Variants in PPP1R17 observed in about 807,000 individuals in gnomAD.
PPP1R17 encodes G-substrate.
In PPP1R17, 12 loss-of-function variants were observed where a neutral mutation model predicts 15.9. That is an observed-to-expected ratio of 0.75 (90% CI 0.48 to 1.22). The LOEUF is 1.22. Ranked by LOEUF, PPP1R17 falls within the 50% of genes most tolerant of loss-of-function variation. PPP1R17 has a pLI of 0.00. For missense variants in PPP1R17, 211 were observed against 187.3 expected (o/e 1.13, Z -0.74); for synonymous variants, 63 against 64.5 (o/e 0.98, Z 0.11).
At chr7:31,690,285 T>C (rs924475095) in intron 1 of PPP1R17, among the ~76,000 whole-genome samples, 3 of 152,252 alleles carry the variant, frequency 2.0e-5, no homozygotes, top group African/African-American at 7.2e-5. Context: ...ACTTGAATTA[T>C]GACTACAATG....
At chr7:31,688,140 T>C (rs565052460) in intron 1 of PPP1R17, among the ~76,000 whole-genome samples, 2 of 152,204 alleles carry the variant, frequency 1.3e-5, no homozygotes, top group South Asian at 4.1e-4. Context: ...AAAATATCAG[T>C]GTGTAGGACC....
In PPP1R17 at chr7:31,692,410, G is replaced by A. The variant is rs753066045; in HGVS notation, c.-32G>A. 6.6e-7 allele frequency: 1 copy of A among 1,526,384 alleles called. No homozygotes were observed. Among genetic ancestry groups the A allele is most frequent in the South Asian group, 1.1e-5 (1 of 88,828 alleles). 94.6% of individuals were successfully genotyped at this position (1,526,384 alleles called of 1,614,324 possible). A position where few individuals can be genotyped will look rare whatever the true frequency, so the allele number is the denominator to read the frequency against. The stretch of plus-strand genomic sequence containing the variant: ...CTGTTTTTTATACTTCCTTAGTGCT[G>A]GAGAAGAAATACATCCACCCACCCT... On this transcript the variant is annotated 5_prime_UTR_variant, in exon 2 of 5. Transcript: ENST00000342032.
chr7:31,705,709 T>C (rs1793036790), intron 4 of PPP1R17, among the ~76,000 whole-genome samples: 1 of 152,074 alleles, frequency 6.6e-6, no homozygotes, highest in South Asian at 2.1e-4. Flanking sequence ...CTTTCTCAAG[T>C]GTAGATCTTT....
Position 31,707,237 on chromosome 7 carries a change from C to T in PPP1R17, c.422C>T (p.Ala141Val). The T allele has an allele frequency of 6.2e-7, 1 of 1,614,030 alleles. No individual in the cohort carries two copies. The highest frequency in any genetic ancestry group is 1.3e-5 in the African/African-American group (1 of 75,036). ...TTGCTCAGGGACGAGAGACCCAAAG[C>T]AATCGTGGAAGATGACGAAAAGGAT... ...VTLLRDERPK[A>V]IVEDDEKDGD... Residue 141 changes from alanine (A) to valine (V), a missense_variant, in exon 5 of 5, where the codon GCA becomes GTA. By Grantham distance (64) the Ala-to-Val change is moderately conservative. Transcript: ENST00000342032.
intron 4 of PPP1R17, among the ~76,000 whole-genome samples, chr7:31,705,469 TC>T (rs1793027520): frequency 6.7e-6 from 1 of 148,266 alleles, no homozygotes; most frequent in East Asian, 2.2e-4. Context: ...GAGAAATATC[TC>T]CCACTGTGTT....
chr7:31,693,040 G>C (rs1222797985), intron 2 of PPP1R17, among the ~76,000 whole-genome samples: 4 of 151,952 alleles, frequency 2.6e-5, no homozygotes, highest in Non-Finnish European at 4.4e-5. Context: ...CATTTCTGCC[G>C]CTACCCATTT....
At position 31,704,304 on chromosome 7, in the gene PPP1R17, A is replaced by AATGTAAT. The variant is rs374110355; in HGVS notation, c.389-2899_389-2893dup. ...CCTAGCCCTGGCTCCCTGAGACCGC[A>AATGTAAT]ATGTAATGTGCATGAACTATTTTAG... On this transcript the variant is annotated intron_variant, in intron 4 of 4. Transcript: ENST00000342032. Among the ~76,000 whole-genome samples the AATGTAAT allele has an allele frequency of 1.2e-3, 177 of 152,302 alleles. 1 individual carries two copies. The highest frequency in any genetic ancestry group is 3.4e-3 in the Middle Eastern group (1 of 294).
At chr7:31,698,306 A>G (rs1428482094) in intron 4 of PPP1R17, among the ~76,000 whole-genome samples, 1 of 152,190 alleles carries the variant, frequency 6.6e-6, no homozygotes, top group African/African-American at 2.4e-5. Context: ...TCTATGCTCC[A>G]TGGGATTTGT....
In PPP1R17 at chr7:31,692,479, C is replaced by T; in HGVS notation, c.38C>T (p.Ser13Leu). The change falls in exon 2 of 5, where the codon TCA becomes TTA. Residue 13 changes from serine (S) to leucine (L), a missense_variant. Coordinates refer to ENST00000342032, the MANE Select transcript of PPP1R17 (RefSeq NM_006658.5). ...GAGCAAATGCAGCCACTGGAACTCT[C>T]AGAAGACAGACTGGACAAGCTAGAC... ...STEQMQPLEL[S>L]EDRLDKLDPR... 1 of 1,612,258 alleles carries T rather than the reference C, an allele frequency of 6.2e-7. No individual in the cohort carries two copies. Among genetic ancestry groups the T allele is most frequent in the Non-Finnish European group, 8.5e-7 (1 of 1,178,300 alleles).
intron 1 of PPP1R17, among the ~76,000 whole-genome samples, chr7:31,687,956 T>C (rs1375139222): frequency 6.6e-6 from 1 of 152,240 alleles, no homozygotes; most frequent in Non-Finnish European, 1.5e-5. Context: ...AGTTCTATTA[T>C]GTTCCCAAGA....
In PPP1R17 at chr7:31,707,430, C is replaced by T. The variant is rs993193501; in HGVS notation, c.*147C>T. ...CTTCTCCCCAGGAGATGTATGCCAT[C>T]AAATTGCCAGTCACCTCTTTGTCTC... On this transcript the variant is annotated 3_prime_UTR_variant, in exon 5 of 5. Coordinates refer to ENST00000342032, the MANE Select transcript of PPP1R17 (RefSeq NM_006658.5). The T allele has an allele frequency of 1.6e-6, 1 of 621,918 alleles. No individual in the cohort carries two copies. The highest frequency in any genetic ancestry group is 2.9e-5 in the East Asian group (1 of 34,274). The allele number at this position is 621,918 out of a possible 1,614,324, so 38.5% of individuals were successfully genotyped here. A position where few individuals can be genotyped will look rare whatever the true frequency, so the allele number is the denominator to read the frequency against.
At chr7:31,700,805 G>A (rs775383653) in intron 4 of PPP1R17, among the ~76,000 whole-genome samples, 11 of 152,068 alleles carry the variant, frequency 7.2e-5, no homozygotes, top group Non-Finnish European at 1.6e-4. Flanking sequence ...GAAGCTGCCT[G>A]TGTTCTGTAA....
chr7:31,697,743 C>A (rs181745255), intron 4 of PPP1R17, among the ~76,000 whole-genome samples: 47 of 152,062 alleles, frequency 3.1e-4, no homozygotes, highest in African/African-American at 9.9e-4. Context: ...GGGGAAGTGA[C>A]GGAGGGGAAA....
chr7:31,703,371 A>C (rs1295630914), intron 4 of PPP1R17, among the ~76,000 whole-genome samples: 1 of 152,186 alleles, frequency 6.6e-6, no homozygotes, highest in African/African-American at 2.4e-5. Flanking sequence ...CAATATCTAC[A>C]TCCTAAGAGA....
Position 31,695,509 on chromosome 7 carries a change from AAAG to A in PPP1R17, c.127_129del (p.Lys43del). 1 of 1,613,334 alleles carries A rather than the reference AAAG, an allele frequency of 6.2e-7. No individual in the cohort carries two copies. The highest frequency in any genetic ancestry group is 8.5e-7 in the Non-Finnish European group (1 of 1,179,794). ...AGTTCATTAAGGACTGTGATCTCAA[AAAG>A]AAGCCTAGAAAGGGAAAAAATGTAC... On this transcript the variant is annotated inframe_deletion, in exon 3 of 5. Transcript: ENST00000342032.
chr7:31,690,177 G>C (rs1792280077), intron 1 of PPP1R17, among the ~76,000 whole-genome samples: 1 of 152,222 alleles, frequency 6.6e-6, no homozygotes, highest in Admixed American at 6.5e-5. Context: ...TGAAAGAAAA[G>C]TTCAATTGCT....
At chr7:31,697,265 C>A (rs1187225098) in intron 4 of PPP1R17, 148 bp downstream of exon 4, 4 of 995,458 alleles carry the variant, frequency 4.0e-6, no homozygotes, top group African/African-American at 3.3e-5. Flanking sequence ...ACACTCAGTG[C>A]TACCTTTTAG....
At chr7:31,687,560 T>G (rs35469495) in intron 1 of PPP1R17, among the ~76,000 whole-genome samples, 4 of 152,206 alleles carry the variant, frequency 2.6e-5, no homozygotes, top group Non-Finnish European at 5.9e-5. Context: ...AGTTGGTGTA[T>G]CTGCATATTC....
chr7:31,695,819 A>G, intron 3 of PPP1R17, 198 bp downstream of exon 3: 1 of 417,248 alleles, frequency 2.4e-6, no homozygotes, highest in Non-Finnish European at 3.9e-6. Context: ...GCTTAATACA[A>G]TAAAAGTTTA....
Sources: allele counts gnomAD v4.1 joint callset (sites outside exome capture counted in the v4.1 genomes callset), GRCh38; gene constraint gnomAD v4.1.1; transcripts MANE v1.5; gene names NCBI Gene and HGNC (gene_info 2026-07-23, HGNC 2026-07-21).